Variants in HPS4 observed in about 807,000 individuals in gnomAD.
The protein encoded by HPS4 is HPS4 biogenesis of lysosomal organelles complex 3 subunit 2.
A neutral mutation model predicts 70.3 loss-of-function variants in HPS4; 44 were observed. The observed-to-expected ratio is 0.63, with a 90% CI of 0.49 to 0.80. The LOEUF (loss-of-function observed/expected upper bound fraction) is 0.80, where lower values mean the gene tolerates loss of function less well. HPS4 is among the 30% of genes least tolerant of loss of function. The pLI is 0.00. For synonymous variants in HPS4, 377 were observed against 355.9 expected, an observed-to-expected ratio of 1.06 and a Z score of -0.67; for missense variants, 873 against 884.4, an observed-to-expected ratio of 0.99 and a Z score of 0.16.
At chr22:26,466,021 T>C (rs1601931242) in intron 9 of HPS4, 1 of 1,514,166 alleles carries the variant, frequency 6.6e-7, no homozygotes, top group Non-Finnish European at 8.9e-7. Flanking sequence ...AAGCAGGGAT[T>C]TGACAGCATG....
intron 1 of HPS4, 91 bp downstream of exon 1, chr22:26,483,583 C>A: frequency 4.5e-6 from 1 of 219,830 alleles, no homozygotes. Flanking sequence ...AAATGGTGGG[C>A]GAACGCCTAA....
At position 26,451,992 on chromosome 22, in the gene HPS4, GCGCGCGCGCGCGCACACACACACA is replaced by G; in HGVS notation, c.*1217_*1240del. ...AGAGGGATGCGCCCACGTTACGCGC[GCGCGCGCGCGCGCACACACACACA>G]CACACACACACACACACACACACAC... On this transcript the variant is annotated 3_prime_UTR_variant, in exon 14 of 14. Transcript: ENST00000398145. The G allele has an allele frequency of 4.8e-5, 1 of 20,984 alleles. No homozygotes were observed. The allele number at this position is 20,984 out of a possible 1,614,324, so 1.3% of individuals were successfully genotyped here. A position where few individuals can be genotyped will look rare whatever the true frequency, so the allele number is the denominator to read the frequency against.
At chr22:26,471,909 C>A (rs567823267) in intron 6 of HPS4, among the ~76,000 whole-genome samples, 1 of 152,128 alleles carries the variant, frequency 6.6e-6, no homozygotes, top group African/African-American at 2.4e-5. Context: ...AAGACAGCAA[C>A]CTTGTTTTTG....
downstream of HPS4, among the ~76,000 whole-genome samples, chr22:26,446,048 T>C (rs2084943370): frequency 6.6e-6 from 1 of 152,138 alleles, no homozygotes; most frequent in African/African-American, 2.4e-5. Context: ...GGGATCGCGA[T>C]GTTTCTCACC....
chr22:26,479,011 A>T (rs534929223), intron 3 of HPS4, among the ~76,000 whole-genome samples: 1 of 152,194 alleles, frequency 6.6e-6, no homozygotes, highest in Non-Finnish European at 1.5e-5. Flanking sequence ...AACCAAGCTG[A>T]TCAAAAAATT....
chr22:26,456,097 A>C (rs1310515209), intron 13 of HPS4, among the ~76,000 whole-genome samples: 1 of 152,202 alleles, frequency 6.6e-6, no homozygotes, highest in Non-Finnish European at 1.5e-5. Context: ...GAGGCAGCAG[A>C]ACACCTGGCG....
chr22:26,466,575 G>A, intron 8 of HPS4: 1 of 497,668 alleles, frequency 2.0e-6, no homozygotes, highest in East Asian at 3.8e-5. Flanking sequence ...GAGGATTCCT[G>A]TTCTCTTTTA....
rs182592572 is a variant in HPS4, at chr22:26,463,988, C to T, written c.1642G>A (p.Val548Ile). 291 of 1,614,240 alleles carry T rather than the reference C, an allele frequency of 1.8e-4. 2 individuals carry two copies. In the East Asian group the frequency reaches 6.2e-3, roughly 34 times the overall value. Residue 548 changes from valine (V) to isoleucine (I), a missense_variant, in exon 11 of 14, where the codon GTC becomes ATC. Transcript: ENST00000398145. ...AGCAGGGACAGCACCAGCCCTTTGA[C>T]GCAGTGAGTGTAGAGATTCATCCTC... ...LVRMNLYTHC[V>I]KGLVLSLLAE...
At chr22:26,473,717 T>G (rs568682888) in intron 4 of HPS4, among the ~76,000 whole-genome samples, 2 of 151,944 alleles carry the variant, frequency 1.3e-5, no homozygotes, top group East Asian at 3.9e-4. Flanking sequence ...CACTCCAGCC[T>G]GGCAACAGAG....
rs183236994 is a variant in HPS4, at chr22:26,479,073, C to T, written c.132+192G>A. Reference sequence around the variant, plus strand: ...CATGATGGAAATAGAAAGCTAAAGACGATGAAAGTGCCGAGCTGCCTGGAA... The same window carrying T: ...CATGATGGAAATAGAAAGCTAAAGATGATGAAAGTGCCGAGCTGCCTGGAA... On this transcript the variant is annotated intron_variant, in intron 3 of 13. Coordinates refer to ENST00000398145, the MANE Select transcript of HPS4 (RefSeq NM_022081.6). Among the ~76,000 whole-genome samples, 632 of 152,236 alleles carry T rather than the reference C, an allele frequency of 4.2e-3. 2 individuals carry two copies. The highest frequency in any genetic ancestry group is 6.5e-3 in the Non-Finnish European group (439 of 68,022).
Position 26,465,505 on chromosome 22 carries a change from G to C in HPS4, c.753C>G (p.Thr251=). The C allele has an allele frequency of 6.2e-7, 1 of 1,614,100 alleles. No homozygotes were observed. Among genetic ancestry groups the C allele is most frequent in the Non-Finnish European group, 8.5e-7 (1 of 1,179,984 alleles). ...PNVQIIPVFV[T]KEEAISLHEF... is the part of the protein sequence containing the mutation. ...CGTGGAGACTAATGGCTTCCTCTTT[G>C]GTCACAAAAACAGGGATAATCTGGA... Residue 251 remains threonine (T), a synonymous_variant, in exon 10 of 14, where the codon ACC becomes ACG. Coordinates refer to ENST00000398145, the MANE Select transcript of HPS4 (RefSeq NM_022081.6).
chr22:26,470,995 G>A, intron 6 of HPS4, 182 bp from the exon 7 acceptor site: 2 of 1,325,360 alleles, frequency 1.5e-6, no homozygotes, highest in Non-Finnish European at 2.1e-6. Flanking sequence ...TCTATACTCA[G>A]AACTGCTGAC....
chr22:26,464,386 G>A lies in HPS4; in HGVS notation c.1244C>T (p.Thr415Met), dbSNP rs773931864. ...GCTGATGGCTGTGTCCTCAGGAGGCGTGGGTTCCAGGCTGCTGGAGGCGCT... is the reference window on the plus strand; with the variant it reads ...GCTGATGGCTGTGTCCTCAGGAGGCATGGGTTCCAGGCTGCTGGAGGCGCT... Reference protein sequence around the residue: ...SLSASSSLEPTPPEDTAISSL... With the variant: ...SLSASSSLEPMPPEDTAISSL... The change falls in exon 11 of 14, where the codon ACG becomes ATG. Residue 415 changes from threonine to methionine, a missense_variant. Thr to Met is a moderately conservative substitution (Grantham distance 81). Transcript: ENST00000398145. The A allele has an allele frequency of 3.7e-5, 60 of 1,614,056 alleles. No homozygotes were observed. Among genetic ancestry groups the A allele is most frequent in the African/African-American group, 2.1e-4 (16 of 74,914 alleles).
intron 11 of HPS4, 100 bp downstream of exon 11, chr22:26,463,817 G>T: frequency 7.9e-7 from 1 of 1,268,454 alleles, no homozygotes; most frequent in Non-Finnish European, 1.1e-6. Context: ...TGAGGGCTGA[G>T]CCTTTATCTC....
At chr22:26,458,948 A>G (rs781771411) in intron 11 of HPS4, among the ~76,000 whole-genome samples, 3 of 152,152 alleles carry the variant, frequency 2.0e-5, no homozygotes, top group Non-Finnish European at 4.4e-5. Context: ...ATTATATTGT[A>G]GGAGATTTAG....
intron 4 of HPS4, among the ~76,000 whole-genome samples, chr22:26,474,935 G>A (rs1469897115): frequency 6.6e-6 from 1 of 151,834 alleles, no homozygotes; most frequent in Non-Finnish European, 1.5e-5. Flanking sequence ...TCTCAATGCT[G>A]ATGAGCAGGT....
At chr22:26,474,938 G>A (rs1338047969) in intron 4 of HPS4, among the ~76,000 whole-genome samples, 1 of 151,744 alleles carries the variant, frequency 6.6e-6, no homozygotes, top group East Asian at 1.9e-4. Context: ...CAATGCTGAT[G>A]AGCAGGTGGA....
downstream of HPS4, among the ~76,000 whole-genome samples, chr22:26,449,753 TCA>T: frequency 6.6e-6 from 1 of 152,166 alleles, no homozygotes; most frequent in East Asian, 1.9e-4. Flanking sequence ...GAACTGGGCA[TCA>T]CAAGGAGAAA....
At chr22:26,461,320 T>A (rs2087222234) in intron 11 of HPS4, among the ~76,000 whole-genome samples, 1 of 152,214 alleles carries the variant, frequency 6.6e-6, no homozygotes, top group South Asian at 2.1e-4. Flanking sequence ...TGATAAATAA[T>A]TAATCTGATC....
Sources: gnomAD v4.1 joint callset for allele counts (sites outside exome capture counted in the v4.1 genomes callset) on GRCh38, gnomAD v4.1.1 for gene constraint, MANE v1.5 for transcripts, NCBI Gene and HGNC (gene_info 2026-07-23, HGNC 2026-07-21) for gene names.